The following ZDHHC11B variants were observed in gnomAD, a reference collection of about 807,000 sequenced individuals.
The protein encoded by ZDHHC11B is zDHHC palmitoyltransferase 11B (putative).
A neutral mutation model predicts 42.3 loss-of-function variants in ZDHHC11B; 17 were observed. The observed-to-expected ratio is 0.40, with a 90% CI of 0.27 to 0.60. The LOEUF is 0.60. Among genes scored for constraint, ZDHHC11B ranks in the 20% least tolerant of loss-of-function variants. The probability of loss-of-function intolerance (pLI) is 0.41; values close to 1 mark genes in which losing one functional copy is unlikely to be tolerated. For missense variants in ZDHHC11B, 262 were observed against 463.2 expected (o/e 0.57, Z 3.99); for synonymous variants, 123 against 193.5 (o/e 0.64, Z 3.02).
intron 4 of ZDHHC11B, among the ~76,000 whole-genome samples, chr5:759,022 T>A (rs1734225341): frequency 6.6e-6 from 1 of 151,908 alleles, no homozygotes; most frequent in Non-Finnish European, 1.5e-5. Context: ...TGTTCTCAAT[T>A]TTCTCTGCTT....
chr5:732,560 C>A, intron 11 of ZDHHC11B: 1 of 425,096 alleles, frequency 2.4e-6, no homozygotes. Context: ...AGGGGCAAGT[C>A]TTGGACACCA....
chr5:748,062 C>T lies in ZDHHC11B; in HGVS notation c.784+342G>A. On this transcript the variant is annotated intron_variant, in intron 8 of 13. Transcript: ENST00000508859. ...CCACCTGTCCTTATTTCATAATGTC[C>T]TGTTCTTGCCTAATAGATTCCATTC... is the stretch of plus-strand genomic sequence containing the variant. The T allele has an allele frequency of 6.3e-6, 3 of 477,200 alleles. 1 individual carries two copies. Among genetic ancestry groups the T allele is most frequent in the Non-Finnish European group, 1.1e-5 (3 of 277,556 alleles). 29.6% of individuals were successfully genotyped at this position (477,200 alleles called of 1,614,324 possible).
chr5:766,712 A>G lies in ZDHHC11B; in HGVS notation c.208T>C (p.Tyr70His), dbSNP rs1735445321. 6.2e-7 allele frequency: 1 copy of G among 1,609,892 alleles called. No individual in the cohort carries two copies. The highest frequency in any genetic ancestry group is 8.5e-7 in the Non-Finnish European group (1 of 1,177,856). The change falls in exon 4 of 14, where the codon TAC becomes CAC. Residue 70 changes from tyrosine to histidine, a missense_variant. This residue lies in a region of ZDHHC11B where 97 missense variants were observed against 98.1 expected (regional missense o/e 0.99). Transcript: ENST00000508859. ...FIPLLPHSWK[Y>H]IAYVVTGGIF... ...GAAAAGGATACCACATAGGCGATGT[A>G]TTTCCACGAGTGAGGCAGGAGGGGA...
intron 1 of ZDHHC11B, among the ~76,000 whole-genome samples, chr5:781,003 G>T (rs1392784946): frequency 6.8e-6 from 1 of 147,454 alleles, no homozygotes. Flanking sequence ...AGGGGGAGGG[G>T]CTGGGTCAGG....
chr5:769,143 G>A (rs1357474588), intron 1 of ZDHHC11B, among the ~76,000 whole-genome samples: 2,977 of 111,846 alleles, frequency 0.027, 2 homozygotes, highest in African/African-American at 0.084. Context: ...TCACCCCAAA[G>A]TCAACACAAT....
At chr5:764,264 G>A (rs1201255991) in intron 4 of ZDHHC11B, among the ~76,000 whole-genome samples, 15 of 151,940 alleles carry the variant, frequency 9.9e-5, no homozygotes, top group East Asian at 3.8e-4. Flanking sequence ...GCACCTCCTC[G>A]GCCTCGGTGC....
intron 9 of ZDHHC11B, among the ~76,000 whole-genome samples, chr5:744,486 G>A (rs1159880990): frequency 6.7e-6 from 1 of 149,064 alleles, no homozygotes; most frequent in Admixed American, 6.8e-5. Flanking sequence ...TCTCTTGGCT[G>A]TTCTATGTCT....
chr5:716,162 TC>T (rs1380811080), intron 13 of ZDHHC11B, among the ~76,000 whole-genome samples: 1 of 151,012 alleles, frequency 6.6e-6, no homozygotes, highest in Non-Finnish European at 1.5e-5. Flanking sequence ...GTCTCATGTT[TC>T]TTAGCTGAGG....
chr5:724,404 C>G (rs1309904079), intron 12 of ZDHHC11B, among the ~76,000 whole-genome samples: 5 of 100,260 alleles, frequency 5.0e-5, no homozygotes, highest in African/African-American at 1.8e-4. Flanking sequence ...TTGAGACAGT[C>G]TTGCTCTGTC....
chr5:757,574 T>C (rs1435785402), intron 4 of ZDHHC11B, among the ~76,000 whole-genome samples: 1 of 151,876 alleles, frequency 6.6e-6, no homozygotes, highest in African/African-American at 2.4e-5. Flanking sequence ...GTAAGAAGCG[T>C]GCTGCAATGC....
Position 774,030 on chromosome 5 carries a change from CGCTG to C in ZDHHC11B, c.-229-5104_-229-5101del, listed in dbSNP as rs1489899742. 1.5e-4 allele frequency among the ~76,000 whole-genome samples: 23 copies of C among 152,004 alleles called. No individual in the cohort carries two copies. The East Asian group carries it at 2.9e-3, about 19-fold the overall frequency. ...AGAGGGTGGCTGTCCGAAGCATCCT[CGCTG>C]GCCAGGGAATGCCTGTCCCAGGTGT... On this transcript the variant is annotated intron_variant, in intron 1 of 13. Transcript: ENST00000508859.
At chr5:727,107 A>G (rs1742653070) in intron 12 of ZDHHC11B, among the ~76,000 whole-genome samples, 1 of 132,056 alleles carries the variant, frequency 7.6e-6, no homozygotes, top group Non-Finnish European at 1.6e-5. Flanking sequence ...AGATTTGAGA[A>G]ATTGATGAAT....
At chr5:766,163 C>G (rs1250782504) in intron 4 of ZDHHC11B, among the ~76,000 whole-genome samples, 1 of 151,820 alleles carries the variant, frequency 6.6e-6, no homozygotes, top group Non-Finnish European at 1.5e-5. Context: ...ACACAGGCTC[C>G]CACCCGCTGG....
At chr5:741,511 A>G in intron 10 of ZDHHC11B, 83 bp downstream of exon 10, 2 of 742,014 alleles carry the variant, frequency 2.7e-6, no homozygotes, top group Non-Finnish European at 2.1e-6. Flanking sequence ...TAGGTGAATT[A>G]TTTTCCAAAG....
chr5:754,860 C>T lies in ZDHHC11B; in HGVS notation c.503+138G>A, dbSNP rs373069367. On this transcript the variant is annotated intron_variant, in intron 6 of 13. Coordinates refer to ENST00000508859, the MANE Select transcript of ZDHHC11B (RefSeq NM_001351303.2). The stretch of plus-strand genomic sequence containing the variant: ...GAGGCCGGGGCACGCAGGCACCAAG[C>T]GCCACCACATCAGGACAGGGACGTG... The T allele has an allele frequency of 0.012, 3,543 of 297,722 alleles. 42 individuals are homozygous for T. The East Asian group carries it at 0.15, about 13-fold the overall frequency. 18.4% of individuals were successfully genotyped at this position (297,722 alleles called of 1,614,324 possible).
chr5:728,866 G>C lies in ZDHHC11B; in HGVS notation c.1058+1568C>G, dbSNP rs188664620. Among the ~76,000 whole-genome samples, 1,109 of 151,708 alleles carry C rather than the reference G, an allele frequency of 7.3e-3. 17 individuals are homozygous for C. The highest frequency in any genetic ancestry group is 0.015 in the South Asian group (73 of 4,754). ...GTGACACCCCATCTCTACAAAAGTT[G>C]GCTCAGCGTGGTGGCATGAGCCTGT... On this transcript the variant is annotated intron_variant, in intron 12 of 13. Coordinates refer to ENST00000508859, the MANE Select transcript of ZDHHC11B (RefSeq NM_001351303.2).
intron 13 of ZDHHC11B, among the ~76,000 whole-genome samples, chr5:716,296 T>G (rs754886262): frequency 2.3e-4 from 35 of 151,520 alleles, no homozygotes; most frequent in Non-Finnish European, 4.0e-4. Flanking sequence ...CAAATTCCTT[T>G]AGCCTTCTAG....
At position 719,089 on chromosome 5, in the gene ZDHHC11B, A is replaced by G. The variant is rs1180323395; in HGVS notation, c.1059-2224T>C. 2.0e-5 allele frequency among the ~76,000 whole-genome samples: 3 copies of G among 151,854 alleles called. No homozygotes were observed. The East Asian group carries it at 5.8e-4, about 29-fold the overall frequency. ...TAACTGGTCATAGAGATAAAGGAAG[A>G]GCAACTTCAGTGACAAGAAATACAC... On this transcript the variant is annotated intron_variant, in intron 12 of 13. Coordinates refer to ENST00000508859, the MANE Select transcript of ZDHHC11B (RefSeq NM_001351303.2).
At chr5:780,500 C>T (rs543549159) in intron 1 of ZDHHC11B, among the ~76,000 whole-genome samples, 50 of 150,356 alleles carry the variant, frequency 3.3e-4, no homozygotes, top group African/African-American at 9.2e-4. Context: ...GTGTGCCCAC[C>T]ACGTGGCTTC....
Sources: gnomAD v4.1 joint callset for allele counts (sites outside exome capture counted in the v4.1 genomes callset) on GRCh38, gnomAD v4.1.1 for gene constraint, gnomAD v4.1.1 regional missense constraint, MANE v1.5 for transcripts, NCBI Gene and HGNC (gene_info 2026-07-23, HGNC 2026-07-21) for gene names.